The following ZNF676 variants were observed in gnomAD, a reference collection of about 807,000 sequenced individuals.
The protein encoded by ZNF676 is zinc finger protein 676.
Under a neutral mutation model 6.0 loss-of-function variants are expected in ZNF676, and 4 were observed. That is an observed-to-expected ratio of 0.67 (90% CI 0.33 to 1.53). The LOEUF is 1.53. Among genes scored for constraint, ZNF676 ranks in the 40% most tolerant of loss-of-function variants. ZNF676 has a pLI of 0.06. For synonymous variants in ZNF676, 198 were observed against 223.1 expected (o/e 0.89, Z 1.00); for missense variants, 644 against 679.7 (o/e 0.95, Z 0.58).
At chr19:22,190,797 C>T (rs1257763289) in intron 2 of ZNF676, among the ~76,000 whole-genome samples, 1 of 150,930 alleles carries the variant, frequency 6.6e-6, no homozygotes, top group Non-Finnish European at 1.5e-5. Context: ...TATAAAAATA[C>T]TGGAATATCA....
At chr19:22,230,606 A>G in the ZNF676 span, among the ~76,000 whole-genome samples, 2 of 151,134 alleles carry the variant, frequency 1.3e-5, no homozygotes. Context: ...ATATATGTGT[A>G]TATATATGTA....
the ZNF676 span, among the ~76,000 whole-genome samples, chr19:22,227,253 A>T: frequency 2.4e-4 from 36 of 152,208 alleles, no homozygotes; most frequent in Non-Finnish European, 2.2e-4. Flanking sequence ...CATGCTCCAG[A>T]ATGACTACTG....
At chr19:22,193,912 C>A (rs2023940440) in intron 1 of ZNF676, among the ~76,000 whole-genome samples, 1 of 152,126 alleles carries the variant, frequency 6.6e-6, no homozygotes, top group Non-Finnish European at 1.5e-5. Context: ...GTGTTCAGAG[C>A]CATGCACCTC....
chr19:22,255,178 G>C, the ZNF676 span, among the ~76,000 whole-genome samples: 7 of 152,242 alleles, frequency 4.6e-5, no homozygotes, highest in East Asian at 1.4e-3. Flanking sequence ...TGGTCTGAGA[G>C]TCACCAACCC....
At chr19:22,241,651 C>T in the ZNF676 span, among the ~76,000 whole-genome samples, 2 of 151,516 alleles carry the variant, frequency 1.3e-5, no homozygotes, top group Non-Finnish European at 2.9e-5. Context: ...TTATGTTATG[C>T]ATGAGAGTCA....
chr19:22,257,700 T>C, the ZNF676 span, among the ~76,000 whole-genome samples: 4 of 152,112 alleles, frequency 2.6e-5, no homozygotes, highest in Non-Finnish European at 5.9e-5. Flanking sequence ...CAGTTTCTTA[T>C]TGGGCAGAGC....
At chr19:22,187,777 G>C (rs2023857975) in intron 2 of ZNF676, among the ~76,000 whole-genome samples, 1 of 152,028 alleles carries the variant, frequency 6.6e-6, no homozygotes, top group Non-Finnish European at 1.5e-5. Flanking sequence ...TAGAAGAAAT[G>C]AATAAATCCC....
intron 2 of ZNF676, 107 bp downstream of exon 2, chr19:22,192,909 C>A: frequency 1.6e-6 from 2 of 1,239,532 alleles, no homozygotes; most frequent in South Asian, 1.8e-5. Flanking sequence ...ATTAGCTTTC[C>A]AGAAACAACT....
intron 2 of ZNF676, among the ~76,000 whole-genome samples, chr19:22,182,040 A>G (rs1175452542): frequency 6.6e-6 from 1 of 152,076 alleles, no homozygotes; most frequent in Non-Finnish European, 1.5e-5. Context: ...AAGTGCTGAA[A>G]TACATGGTGG....
the ZNF676 span, among the ~76,000 whole-genome samples, chr19:22,246,585 C>A: frequency 6.8e-6 from 1 of 146,806 alleles, no homozygotes; most frequent in East Asian, 2.0e-4. Context: ...AGGTGCAAGT[C>A]TCTGGTATGA....
intron 2 of ZNF676, among the ~76,000 whole-genome samples, chr19:22,191,360 C>CA (rs1295148242): frequency 1.3e-5 from 2 of 152,116 alleles, no homozygotes; most frequent in Non-Finnish European, 2.9e-5. Context: ...GTAACCATCC[C>CA]AAACTCCTCC....
intron 2 of ZNF676, among the ~76,000 whole-genome samples, chr19:22,191,635 G>T (rs1327630681): frequency 6.6e-6 from 1 of 152,120 alleles, no homozygotes; most frequent in Non-Finnish European, 1.5e-5. Context: ...ATGCAGACTT[G>T]ACTGTAGAAA....
the ZNF676 span, among the ~76,000 whole-genome samples, chr19:22,249,766 T>C: frequency 6.6e-6 from 1 of 152,078 alleles, no homozygotes; most frequent in African/African-American, 2.4e-5. Flanking sequence ...CAACGGGTTT[T>C]TTTTTTTTTA....
At chr19:22,252,439 A>C in the ZNF676 span, among the ~76,000 whole-genome samples, 1 of 151,534 alleles carries the variant, frequency 6.6e-6, no homozygotes, top group Non-Finnish European at 1.5e-5. Context: ...AAGAAAAGAA[A>C]AAAAAAAAAG....
At chr19:22,235,888 A>C in the ZNF676 span, among the ~76,000 whole-genome samples, 1 of 151,276 alleles carries the variant, frequency 6.6e-6, no homozygotes, top group Non-Finnish European at 1.5e-5. Flanking sequence ...TTGCTAAGTC[A>C]ATGTCTGCAT....
upstream of ZNF676, among the ~76,000 whole-genome samples, chr19:22,197,390 T>C (rs544016567): frequency 7.3e-5 from 11 of 151,626 alleles, no homozygotes; most frequent in African/African-American, 2.7e-4. Context: ...ATTATTCAGA[T>C]GGAATAGACA....
intron 2 of ZNF676, 37 bp from the exon 3 acceptor site, chr19:22,181,623 T>C: frequency 7.0e-7 from 1 of 1,436,134 alleles, no homozygotes; most frequent in African/African-American, 1.4e-5. Flanking sequence ...AATCTACATA[T>C]TAGACTCAGA....
At chr19:22,235,680 A>G in the ZNF676 span, among the ~76,000 whole-genome samples, 6 of 152,294 alleles carry the variant, frequency 3.9e-5, no homozygotes, top group Non-Finnish European at 7.4e-5. Flanking sequence ...GATCAGCATA[A>G]TGTCATCAAT....
rs1412559835 is a variant in ZNF676, at chr19:22,204,361, A to G, written c.4-7635T>C. Reference sequence around the variant, plus strand: ...TGAACTATAATTCAGTTGAAACACTATATTTCAAAAGTATGAATAACAATA... The same window carrying G: ...TGAACTATAATTCAGTTGAAACACTGTATTTCAAAAGTATGAATAACAATA... On this transcript the variant is annotated intron_variant, in intron 1 of 3. Transcript: ENST00000650058. 4.6e-5 allele frequency among the ~76,000 whole-genome samples: 7 copies of G among 152,316 alleles called. No homozygotes were observed. The East Asian group carries it at 1.3e-3, about 29-fold the overall frequency.
Sources: allele counts gnomAD v4.1 joint callset (sites outside exome capture counted in the v4.1 genomes callset), GRCh38; gene constraint gnomAD v4.1.1; transcripts MANE v1.5; gene names NCBI Gene and HGNC (gene_info 2026-07-23, HGNC 2026-07-21).